The following CYB5A variants were observed in gnomAD, a reference collection of about 807,000 sequenced individuals.
The protein encoded by CYB5A is cytochrome b5.
In CYB5A, 10 loss-of-function variants were observed where a neutral mutation model predicts 16.2. That is an observed-to-expected ratio of 0.62 (90% CI 0.38 to 1.04). The LOEUF is 1.04. Ranked by LOEUF, CYB5A falls within the 50% of genes least tolerant of loss-of-function variation. The pLI, the probability that CYB5A is intolerant of heterozygous loss-of-function variation, is 0.01. For missense variants in CYB5A, 161 were observed against 165.9 expected, an observed-to-expected ratio of 0.97 and a Z score of 0.16; for synonymous variants, 62 against 57.0, an observed-to-expected ratio of 1.09 and a Z score of -0.40.
At chr18:74,276,960 A>G (rs1230468176) in intron 1 of CYB5A, among the ~76,000 whole-genome samples, 2 of 152,218 alleles carry the variant, frequency 1.3e-5, no homozygotes, top group Non-Finnish European at 2.9e-5. Flanking sequence ...ATGCAATGCT[A>G]AGTGACTGAA....
At chr18:74,269,043 C>T (rs1982561469) in intron 1 of CYB5A, among the ~76,000 whole-genome samples, 1 of 152,086 alleles carries the variant, frequency 6.6e-6, no homozygotes, top group African/African-American at 2.4e-5. Flanking sequence ...GGAAAATAAA[C>T]AGGAAATATG....
chr18:74,263,872 A>C (rs1273403274), intron 1 of CYB5A, among the ~76,000 whole-genome samples: 1 of 152,168 alleles, frequency 6.6e-6, no homozygotes, highest in Non-Finnish European at 1.5e-5. Flanking sequence ...TGACTGCACC[A>C]CTGCACTCCA....
chr18:74,266,024 A>T (rs935990606), intron 1 of CYB5A, among the ~76,000 whole-genome samples: 4 of 152,204 alleles, frequency 2.6e-5, no homozygotes, highest in African/African-American at 4.8e-5. Flanking sequence ...ATGCTGTTAC[A>T]TTGTATAGGC....
At chr18:74,284,747 C>A (rs545343463) in intron 1 of CYB5A, among the ~76,000 whole-genome samples, 3 of 152,304 alleles carry the variant, frequency 2.0e-5, no homozygotes, top group Non-Finnish European at 4.4e-5. Context: ...GTCCACATCC[C>A]TTATCCCTCG....
intron 4 of CYB5A, among the ~76,000 whole-genome samples, chr18:74,253,927 C>A (rs1234726957): frequency 6.6e-6 from 1 of 152,192 alleles, no homozygotes; most frequent in African/African-American, 2.4e-5. Context: ...GCCTGTAATC[C>A]CAGCACTTTG....
At chr18:74,260,617 G>T (rs7238784) in intron 3 of CYB5A, 151,303 of 437,940 alleles carry the variant, frequency 0.35, 27,722 homozygotes, top group South Asian at 0.46. Context: ...AAATCTTTTA[G>T]ATCAGAAGCA....
chr18:74,278,371 G>A (rs949793402), intron 1 of CYB5A, among the ~76,000 whole-genome samples: 1 of 152,174 alleles, frequency 6.6e-6, no homozygotes, highest in Non-Finnish European at 1.5e-5. Context: ...AGCAGACTCC[G>A]TGGCAAGTAA....
intron 1 of CYB5A, among the ~76,000 whole-genome samples, chr18:74,288,891 G>GTT: frequency 6.6e-6 from 1 of 152,320 alleles, no homozygotes; most frequent in East Asian, 1.9e-4. Context: ...TCCATAAGAG[G>GTT]TCGAATCGGG....
intron 1 of CYB5A, among the ~76,000 whole-genome samples, chr18:74,277,719 G>C (rs1198386671): frequency 6.6e-6 from 1 of 152,206 alleles, no homozygotes; most frequent in Non-Finnish European, 1.5e-5. Flanking sequence ...CTTAGACTCT[G>C]TGTGAACATT....
intron 1 of CYB5A, among the ~76,000 whole-genome samples, chr18:74,288,179 A>T (rs1036812500): frequency 6.6e-6 from 1 of 152,230 alleles, no homozygotes; most frequent in Non-Finnish European, 1.5e-5. Flanking sequence ...CCATTATTTC[A>T]GGAGGTCGGA....
chr18:74,253,288 A>G lies in CYB5A; in HGVS notation c.*296T>C. ...ACAATTATACACCAAACAGGCAAAC[A>G]CGGTGCATACTTTAAAAGCCAAATA... On this transcript the variant is annotated 3_prime_UTR_variant, in exon 5 of 5. Coordinates refer to ENST00000340533, the MANE Select transcript of CYB5A (RefSeq NM_148923.4). 5.6e-6 allele frequency: 2 copies of G among 357,032 alleles called. No individual in the cohort carries two copies. The highest frequency in any genetic ancestry group is 1.1e-5 in the Non-Finnish European group (2 of 184,350). The allele number at this position is 357,032 out of a possible 1,614,324, so 22.1% of individuals were successfully genotyped here. A position where few individuals can be genotyped will look rare whatever the true frequency, so the allele number is the denominator to read the frequency against.
chr18:74,254,094 C>G (rs1156384672), intron 4 of CYB5A, among the ~76,000 whole-genome samples: 1 of 152,090 alleles, frequency 6.6e-6, no homozygotes, highest in East Asian at 1.9e-4. Flanking sequence ...GCAGGAGAAT[C>G]GCTTGAACCT....
At chr18:74,266,174 C>T (rs1982425882) in intron 1 of CYB5A, among the ~76,000 whole-genome samples, 1 of 152,208 alleles carries the variant, frequency 6.6e-6, no homozygotes, top group Admixed American at 6.5e-5. Flanking sequence ...TTCTGGATTC[C>T]TCGCCAAGGC....
In CYB5A at chr18:74,253,365, T is replaced by A. The variant is rs1175783390; in HGVS notation, c.*219A>T. ...AAGTAAATTACACATTAAGGAAACA[T>A]CAAAATAAAGTAGATGAATAAAAAG... On this transcript the variant is annotated 3_prime_UTR_variant, in exon 5 of 5. Coordinates refer to ENST00000340533, the MANE Select transcript of CYB5A (RefSeq NM_148923.4). 2.2e-6 allele frequency: 1 copy of A among 463,978 alleles called. No individual in the cohort carries two copies. The highest frequency in any genetic ancestry group is 4.0e-6 in the Non-Finnish European group (1 of 251,878). 28.7% of individuals were successfully genotyped at this position (463,978 alleles called of 1,614,324 possible).
At chr18:74,269,540 G>GC (rs1411500140) in intron 1 of CYB5A, among the ~76,000 whole-genome samples, 1 of 152,134 alleles carries the variant, frequency 6.6e-6, no homozygotes, top group African/African-American at 2.4e-5. Flanking sequence ...CCACTCCATA[G>GC]CTAATGCACA....
At chr18:74,269,712 T>C (rs536214509) in intron 1 of CYB5A, among the ~76,000 whole-genome samples, 319 of 152,306 alleles carry the variant, frequency 2.1e-3, no homozygotes, top group Non-Finnish European at 3.9e-3. Context: ...ATCTATTCCA[T>C]CAGCCAATCC....
At chr18:74,271,202 T>C (rs555191137) in intron 1 of CYB5A, among the ~76,000 whole-genome samples, 40 of 152,344 alleles carry the variant, frequency 2.6e-4, no homozygotes, top group African/African-American at 8.9e-4. Context: ...AAAAAGTACA[T>C]GAGAAATCAA....
chr18:74,286,384 G>A lies in CYB5A; in HGVS notation c.129+5363C>T, dbSNP rs543959794. ...GAATATTTGTATTTTGAGTCATTTT[G>A]TTTACTAGTTAACACTATAATTCCT... is the stretch of plus-strand genomic sequence containing the variant. On this transcript the variant is annotated intron_variant, in intron 1 of 4. Coordinates refer to ENST00000340533, the MANE Select transcript of CYB5A (RefSeq NM_148923.4). Among the ~76,000 whole-genome samples, 13 of 152,254 alleles carry A rather than the reference G, an allele frequency of 8.5e-5. No individual in the cohort carries two copies. In the East Asian group the frequency reaches 2.3e-3, roughly 27 times the overall value.
chr18:74,277,024 AC>A (rs999921950), intron 1 of CYB5A, among the ~76,000 whole-genome samples: 2 of 152,238 alleles, frequency 1.3e-5, no homozygotes, highest in Admixed American at 1.3e-4. Flanking sequence ...TGCTTAACAT[AC>A]CAAAAAAGGT....
Sources: gnomAD v4.1 joint callset for allele counts (sites outside exome capture counted in the v4.1 genomes callset) on GRCh38, gnomAD v4.1.1 for gene constraint, MANE v1.5 for transcripts, NCBI Gene and HGNC (gene_info 2026-07-23, HGNC 2026-07-21) for gene names.